Variants in DPY19L4 observed in about 807,000 individuals in gnomAD.
DPY19L4 encodes probable C-mannosyltransferase DPY19L4.
Under a neutral mutation model 102.8 loss-of-function variants are expected in DPY19L4, and 97 were observed. That is an observed-to-expected ratio of 0.94 (90% CI 0.80 to 1.12). The LOEUF (loss-of-function observed/expected upper bound fraction) is 1.12, where lower values mean the gene tolerates loss of function less well. Among genes scored for constraint, DPY19L4 ranks in the 50% most tolerant of loss-of-function variants. The pLI is 0.00. For synonymous variants in DPY19L4, 252 were observed against 283.1 expected (o/e 0.89, Z 1.10); for missense variants, 815 against 850.4 (o/e 0.96, Z 0.52).
At chr8:94,765,618 G>C in intron 9 of DPY19L4, 93 bp from the exon 10 acceptor site, 1 of 991,268 alleles carries the variant, frequency 1.0e-6, no homozygotes. Context: ...TTACAGGCTT[G>C]AGCCACTGTG....
chr8:94,792,881 A>C lies in DPY19L4; in HGVS notation c.*2971A>C, dbSNP rs1289328217. Reference sequence around the variant, plus strand: ...AAAAGAAAAAAAAAGTAGAGATGGGATCTCTAGCCTCCTAAGTTAATTTAG... The same window carrying C: ...AAAAGAAAAAAAAAGTAGAGATGGGCTCTCTAGCCTCCTAAGTTAATTTAG... On this transcript the variant is annotated 3_prime_UTR_variant, in exon 19 of 19. Transcript: ENST00000414645. 1.3e-5 allele frequency: 2 copies of C among 152,172 alleles called. No individual in the cohort carries two copies. Among genetic ancestry groups the C allele is most frequent in the Non-Finnish European group, 2.9e-5 (2 of 68,070 alleles). 9.4% of individuals were successfully genotyped at this position (152,172 alleles called of 1,614,324 possible).
intron 6 of DPY19L4, among the ~76,000 whole-genome samples, chr8:94,755,063 C>G (rs1248769159): frequency 6.6e-6 from 1 of 152,190 alleles, no homozygotes; most frequent in South Asian, 2.1e-4. Context: ...GCTAGGATTA[C>G]AGGCATGATC....
chr8:94,744,311 C>G (rs1210934692), intron 6 of DPY19L4: 2 of 455,794 alleles, frequency 4.4e-6, no homozygotes, highest in Non-Finnish European at 4.4e-6. Flanking sequence ...GCCAGGGAGG[C>G]CTTAATTTCT....
At chr8:94,752,254 A>G (rs767380641) in intron 6 of DPY19L4, among the ~76,000 whole-genome samples, 1 of 152,126 alleles carries the variant, frequency 6.6e-6, no homozygotes, top group African/African-American at 2.4e-5. Flanking sequence ...TGGTCATTCA[A>G]GTATTTTGTG....
chr8:94,766,633 A>G lies in DPY19L4; in HGVS notation c.1123A>G (p.Asn375Asp). 1.2e-6 allele frequency: 2 copies of G among 1,613,952 alleles called. No homozygotes were observed. The highest frequency in any genetic ancestry group is 1.1e-5 in the South Asian group (1 of 91,030). Residue 375 changes from asparagine (N) to aspartate (D), a missense_variant, in exon 11 of 19, where the codon AAT (asparagine) becomes GAT (aspartate). Asn to Asp is a conservative substitution (Grantham distance 23). Coordinates refer to ENST00000414645, the MANE Select transcript of DPY19L4 (RefSeq NM_181787.3). The stretch of plus-strand genomic sequence containing the variant: ...CTAGATGTTTGTCCCACACAAAGAA[A>G]ATGGGCACATGCTGAAATTCCTTGA... The part of the protein sequence containing the change: ...IMKMFVPHKE[N>D]GHMLKFLEVK...
intron 3 of DPY19L4, among the ~76,000 whole-genome samples, chr8:94,736,946 A>T (rs73697005): frequency 0.026 from 3,928 of 152,192 alleles, 172 homozygotes; most frequent in African/African-American, 0.089. Context: ...TTTTCCTTCT[A>T]GATTTTCCGG....
rs112015777 is a variant in DPY19L4, at chr8:94,765,692, TATG to T, written c.1003-16_1003-14del. 1,145 of 1,536,374 alleles carry T rather than the reference TATG, an allele frequency of 7.5e-4. 6 individuals are homozygous for T. In the African/African-American group the frequency reaches 0.014, roughly 18 times the overall value. On this transcript the variant is annotated splice_polypyrimidine_tract_variant and intron_variant, in intron 9 of 18. Coordinates refer to ENST00000414645, the MANE Select transcript of DPY19L4 (RefSeq NM_181787.3). ...TTTTAACACCTCACTTCTTTGTTCA[TATG>T]ATTTTTCCTCCACAGCTGAATGTGA...
intron 13 of DPY19L4, among the ~76,000 whole-genome samples, chr8:94,772,213 T>C (rs192124722): frequency 1.7e-4 from 26 of 152,242 alleles, no homozygotes; most frequent in Non-Finnish European, 8.8e-5. Context: ...GTGGGAGATA[T>C]AGCTATATAC....
intron 16 of DPY19L4, among the ~76,000 whole-genome samples, chr8:94,782,375 T>C (rs1253722545): frequency 6.6e-6 from 1 of 152,128 alleles, no homozygotes; most frequent in African/African-American, 2.4e-5. Flanking sequence ...CAATTCTCAA[T>C]GTCAAGCATG....
At position 94,752,757 on chromosome 8, in the gene DPY19L4, C is replaced by A. The variant is rs1015547694; in HGVS notation, c.612-3279C>A. On this transcript the variant is annotated intron_variant, in intron 6 of 18. Transcript: ENST00000414645. ...TTGGCTCACTGCAAGCTCCGCCACCCCGGTTCACGCCATTCTCCTGCCTCA... is the reference window on the plus strand; with the variant it reads ...TTGGCTCACTGCAAGCTCCGCCACCACGGTTCACGCCATTCTCCTGCCTCA... 2.0e-5 allele frequency among the ~76,000 whole-genome samples: 3 copies of A among 150,762 alleles called. No individual in the cohort carries two copies. In the South Asian group the frequency reaches 6.3e-4, roughly 32 times the overall value.
chr8:94,759,440 C>T (rs1415063705), intron 7 of DPY19L4, among the ~76,000 whole-genome samples: 1 of 151,030 alleles, frequency 6.6e-6, no homozygotes, highest in Non-Finnish European at 1.5e-5. Flanking sequence ...GTTCAGCTGG[C>T]TTCACCTCTC....
chr8:94,770,722 A>G (rs1403373540), intron 13 of DPY19L4, 151 bp downstream of exon 13: 13 of 981,056 alleles, frequency 1.3e-5, no homozygotes, highest in Admixed American at 2.9e-5. Flanking sequence ...GTCAACACTC[A>G]ACATGGTGAG....
intron 6 of DPY19L4, among the ~76,000 whole-genome samples, chr8:94,741,696 G>A (rs553339442): frequency 1.3e-5 from 2 of 152,206 alleles, no homozygotes; most frequent in South Asian, 4.1e-4. Context: ...TTCTTCTGTT[G>A]CTCAAATTGT....
rs1158866447 is a variant in DPY19L4 at position 94,739,463 on chromosome 8, A to G, written c.394A>G (p.Asn132Asp). Residue 132 changes from asparagine to aspartate, a missense_variant, in exon 5 of 19, where the codon AAT becomes GAT. Physicochemically the swap from Asn to Asp is conservative, Grantham distance 23. Transcript: ENST00000414645. The part of the protein sequence containing the change: ...NNKTVSLKTI[N>D]AVQQMSLYPE... ...CAAAACTGTATCTCTGAAGACTATAAATGCAGTGCAGCAAATGTCTCTGTA... is the reference window on the plus strand; with the variant it reads ...CAAAACTGTATCTCTGAAGACTATAGATGCAGTGCAGCAAATGTCTCTGTA... The G allele has an allele frequency of 7.5e-6, 12 of 1,607,080 alleles. No homozygotes were observed. The highest frequency in any genetic ancestry group is 1.0e-5 in the Non-Finnish European group (12 of 1,178,326).
chr8:94,733,315 C>T (rs1018287743), intron 2 of DPY19L4, among the ~76,000 whole-genome samples: 90 of 150,796 alleles, frequency 6.0e-4, no homozygotes, highest in African/African-American at 1.9e-3. Context: ...TTAATAGAGA[C>T]GGGGTTTCAC....
intron 6 of DPY19L4, among the ~76,000 whole-genome samples, chr8:94,750,808 G>A (rs1313861746): frequency 6.7e-6 from 1 of 149,476 alleles, no homozygotes; most frequent in Non-Finnish European, 1.5e-5. Flanking sequence ...TTTGAGACAG[G>A]ATCTCACTCT....
At chr8:94,758,947 C>A (rs1177583072) in intron 7 of DPY19L4, among the ~76,000 whole-genome samples, 1 of 152,080 alleles carries the variant, frequency 6.6e-6, no homozygotes, top group Non-Finnish European at 1.5e-5. Flanking sequence ...GTTGGCCAAG[C>A]TGGTCTTGAA....
intron 11 of DPY19L4, among the ~76,000 whole-genome samples, chr8:94,767,933 C>T (rs917320384): frequency 2.6e-5 from 4 of 152,112 alleles, no homozygotes; most frequent in African/African-American, 9.6e-5. Flanking sequence ...ATCATTATTT[C>T]GCTCTTTTTT....
rs188686551 is a variant in DPY19L4, at chr8:94,790,710, A to G, written c.*800A>G. 6.6e-6 allele frequency: 1 copy of G among 152,084 alleles called. No individual in the cohort carries two copies. The highest frequency in any genetic ancestry group is 6.5e-5 in the Admixed American group (1 of 15,284). 9.4% of individuals were successfully genotyped at this position (152,084 alleles called of 1,614,324 possible). A position where few individuals can be genotyped will look rare whatever the true frequency, so the allele number is the denominator to read the frequency against. On this transcript the variant is annotated 3_prime_UTR_variant, in exon 19 of 19. Transcript: ENST00000414645. ...TGTTGTTCAGGTTTTTTTTTTAAAT[A>G]CTGATATGGGGCATACAATCTATTC...
Sources: gnomAD v4.1 joint callset for allele counts (sites outside exome capture counted in the v4.1 genomes callset) on GRCh38, gnomAD v4.1.1 for gene constraint, MANE v1.5 for transcripts, NCBI Gene and HGNC (gene_info 2026-07-23, HGNC 2026-07-21) for gene names.